Variants in ABI2 observed in about 807,000 individuals in gnomAD.
ABI2 encodes the protein abelson interactor 2.
In ABI2, 25 loss-of-function variants were observed where a neutral mutation model predicts 59.2. The observed-to-expected ratio is 0.42, with a 90% confidence interval of 0.31 to 0.59. The LOEUF (loss-of-function observed/expected upper bound fraction) is 0.59, where lower values mean the gene tolerates loss of function less well. ABI2 is among the 20% of genes least tolerant of loss of function. The pLI, the probability that ABI2 is intolerant of heterozygous loss-of-function variation, is 0.14. For missense variants in ABI2, 545 were observed against 681.8 expected (o/e 0.80, Z 2.23); for synonymous variants, 213 against 235.5 (o/e 0.90, Z 0.87).
chr2:203,333,267 C>T (rs963126013), intron 1 of ABI2, among the ~76,000 whole-genome samples: 2 of 152,122 alleles, frequency 1.3e-5, no homozygotes, highest in East Asian at 3.8e-4. Context: ...GAATATATAT[C>T]TGGTACTCAT....
At chr2:203,411,455 T>G in intron 10 of ABI2, 84 bp downstream of exon 10, 1 of 1,031,842 alleles carries the variant, frequency 9.7e-7, no homozygotes, top group Non-Finnish European at 1.5e-6. Flanking sequence ...TAGTCATTCA[T>G]TTGCTGATAC....
At chr2:203,412,450 G>T (rs1032118456) in intron 10 of ABI2, among the ~76,000 whole-genome samples, 9 of 152,188 alleles carry the variant, frequency 5.9e-5, no homozygotes, top group Non-Finnish European at 1.3e-4. Flanking sequence ...TAAGGGCTCA[G>T]TGTCTTTCAG....
At chr2:203,373,887 G>C (rs558786629) in intron 2 of ABI2, among the ~76,000 whole-genome samples, 211 of 152,318 alleles carry the variant, frequency 1.4e-3, no homozygotes, top group Non-Finnish European at 2.4e-3. Flanking sequence ...GGCTGGGTGT[G>C]GTGGCTCATG....
intron 1 of ABI2, among the ~76,000 whole-genome samples, chr2:203,350,321 C>T (rs991464850): frequency 2.6e-5 from 4 of 152,024 alleles, no homozygotes; most frequent in Non-Finnish European, 5.9e-5. Context: ...AGGTGATCCT[C>T]CCGCCTCGTG....
chr2:203,338,957 T>TATAA (rs2078026716), intron 1 of ABI2, among the ~76,000 whole-genome samples: 1 of 8,910 alleles, frequency 1.1e-4, no homozygotes, highest in African/African-American at 3.5e-4. Flanking sequence ...TATATATATA[T>TATAA]ATATAAATAT....
intron 1 of ABI2, among the ~76,000 whole-genome samples, chr2:203,337,647 A>G (rs1020462914): frequency 6.6e-6 from 1 of 152,236 alleles, no homozygotes; most frequent in African/African-American, 2.4e-5. Context: ...CCTAAAATTC[A>G]TAGGAAACCA....
chr2:203,376,189 A>G, intron 2 of ABI2: 2 of 1,364,586 alleles, frequency 1.5e-6, no homozygotes, highest in Non-Finnish European at 2.0e-6. Context: ...CAACCAGGGA[A>G]GTTTTGCCCC....
At chr2:203,375,952 C>T (rs544549915) in intron 2 of ABI2, 79 of 816,220 alleles carry the variant, frequency 9.7e-5, no homozygotes, top group Admixed American at 1.2e-4. Flanking sequence ...AGTTCAACCC[C>T]GTGTGGTAGT....
intron 4 of ABI2, among the ~76,000 whole-genome samples, chr2:203,385,195 A>G (rs1474690906): frequency 7.7e-6 from 1 of 130,084 alleles, no homozygotes; most frequent in Non-Finnish European, 1.6e-5. Context: ...CAGTGGTGCC[A>G]TCTTGGCTCA....
intron 1 of ABI2, among the ~76,000 whole-genome samples, chr2:203,355,565 C>G (rs2091478434): frequency 6.6e-6 from 1 of 151,858 alleles, no homozygotes; most frequent in South Asian, 2.1e-4. Context: ...CGCAGTGGCT[C>G]ATGCCTGTAA....
intron 4 of ABI2, chr2:203,386,640 C>CTCT (rs2096534110): frequency 8.2e-6 from 1 of 121,718 alleles, no homozygotes; most frequent in South Asian, 2.7e-4. Flanking sequence ...GTAGACATTG[C>CTCT]TTTTTTTTTT....
At chr2:203,344,059 G>C (rs944446609) in intron 1 of ABI2, among the ~76,000 whole-genome samples, 1 of 152,178 alleles carries the variant, frequency 6.6e-6, no homozygotes. Flanking sequence ...CTTGAGCTCA[G>C]GGTTGGAGGC....
intron 10 of ABI2, among the ~76,000 whole-genome samples, chr2:203,412,202 C>T (rs553434787): frequency 6.6e-6 from 1 of 152,260 alleles, no homozygotes; most frequent in South Asian, 2.1e-4. Flanking sequence ...GCTTAGGACT[C>T]CTGCTTATTT....
intron 2 of ABI2, among the ~76,000 whole-genome samples, chr2:203,378,636 C>T (rs1246949904): frequency 6.6e-6 from 1 of 152,106 alleles, no homozygotes; most frequent in African/African-American, 2.4e-5. Context: ...TTTCTTAAAG[C>T]AGTATTTTAT....
At chr2:203,338,609 C>T (rs1442949809) in intron 1 of ABI2, among the ~76,000 whole-genome samples, 4 of 151,590 alleles carry the variant, frequency 2.6e-5, no homozygotes, top group African/African-American at 7.3e-5. Flanking sequence ...AACCAAGAGC[C>T]GATTAAACCT....
intron 1 of ABI2, among the ~76,000 whole-genome samples, chr2:203,334,551 A>G (rs1250405175): frequency 6.6e-6 from 1 of 152,004 alleles, no homozygotes; most frequent in Non-Finnish European, 1.5e-5. Flanking sequence ...ATTTTGCAGC[A>G]CCCTACTCAC....
At chr2:203,364,007 G>A (rs1488077835) in intron 1 of ABI2, among the ~76,000 whole-genome samples, 2 of 151,598 alleles carry the variant, frequency 1.3e-5, no homozygotes, top group Non-Finnish European at 1.5e-5. Context: ...CAGGTGATCT[G>A]CCCACCTTGG....
At chr2:203,365,622 CTTTTTTTTTTTTTTTTT>C (rs71007507) in intron 1 of ABI2, among the ~76,000 whole-genome samples, 1 of 63,908 alleles carries the variant, frequency 1.6e-5, no homozygotes, top group Non-Finnish European at 2.8e-5. Flanking sequence ...GGGCTGTTAT[CTTTTTTTTTTTTTTTTT>C]TTTTTTTTGA....
chr2:203,359,144 G>A (rs2092937920), intron 1 of ABI2, among the ~76,000 whole-genome samples: 1 of 152,224 alleles, frequency 6.6e-6, no homozygotes, highest in Non-Finnish European at 1.5e-5. Flanking sequence ...ACTGTGGGGT[G>A]TGGGATGGAG....
Sources: allele counts gnomAD v4.1 joint callset (sites outside exome capture counted in the v4.1 genomes callset), GRCh38; gene constraint gnomAD v4.1.1; transcripts MANE v1.5; gene names NCBI Gene and HGNC (gene_info 2026-07-23, HGNC 2026-07-21).